Variants in GABRB3 observed in about 807,000 individuals in gnomAD.
GABRB3 encodes gamma-aminobutyric acid type A receptor subunit beta3, also known as gamma-aminobutyric acid receptor subunit beta-3.
Under a neutral mutation model 52.1 loss-of-function variants are expected in GABRB3, and 14 were observed. The observed-to-expected ratio is 0.27, with a 90% confidence interval of 0.18 to 0.42. The LOEUF is 0.42. Among genes scored for constraint, GABRB3 ranks in the 10% least tolerant of loss-of-function variants. The pLI, the probability that GABRB3 is intolerant of heterozygous loss-of-function variation, is 1.00. For synonymous variants in GABRB3, 260 were observed against 232.3 expected (o/e 1.12, Z -1.08); for missense variants, 307 against 609.1 (o/e 0.50, Z 5.22).
chr15:26,577,381 C>CA (rs1890629914), intron 6 of GABRB3, among the ~76,000 whole-genome samples: 2 of 152,070 alleles, frequency 1.3e-5, no homozygotes, highest in East Asian at 3.9e-4. Flanking sequence ...GGCATGGTGG[C>CA]ATGTGCTTGC....
rs1279543473 is a variant in GABRB3, at chr15:26,622,756, T to C, written c.241-1222A>G. 1.1e-4 allele frequency among the ~76,000 whole-genome samples: 17 copies of C among 152,160 alleles called. No individual in the cohort carries two copies. In the East Asian group the frequency reaches 3.3e-3, roughly 29 times the overall value. ...TGCTGCTCTCAATAGTGTTGGAATA[T>C]AGAGGCTTAGGGACTGATAGAGGAC... On this transcript the variant is annotated intron_variant, in intron 3 of 8. Coordinates refer to ENST00000311550, the MANE Select transcript of GABRB3 (RefSeq NM_000814.6).
At chr15:26,688,212 G>A (rs983263515) in intron 3 of GABRB3, among the ~76,000 whole-genome samples, 2 of 152,158 alleles carry the variant, frequency 1.3e-5, no homozygotes, top group Non-Finnish European at 2.9e-5. Flanking sequence ...CTGGATGGAC[G>A]ACTGTGCTGG....
At chr15:26,735,857 A>C (rs948989083) in intron 3 of GABRB3, among the ~76,000 whole-genome samples, 1 of 152,038 alleles carries the variant, frequency 6.6e-6, no homozygotes, top group African/African-American at 2.4e-5. Context: ...TCAGAGGCTG[A>C]AGCAGGAGGA....
At position 26,580,608 on chromosome 15, in the gene GABRB3, C is replaced by G. The variant is rs555972160; in HGVS notation, c.545-152G>C. ...GTCTAGGGGAAGTGTCATCAAAGAACTAACTTTCCAATATTCTCATGTTAC... is the reference window on the plus strand; with the variant it reads ...GTCTAGGGGAAGTGTCATCAAAGAAGTAACTTTCCAATATTCTCATGTTAC... On this transcript the variant is annotated intron_variant, in intron 5 of 8. Transcript: ENST00000311550. 1.0e-5 allele frequency: 10 copies of G among 981,996 alleles called. No individual in the cohort carries two copies. The South Asian group carries it at 1.2e-4, about 12-fold the overall frequency. 60.8% of individuals were successfully genotyped at this position (981,996 alleles called of 1,614,324 possible). A position where few individuals can be genotyped will look rare whatever the true frequency, so the allele number is the denominator to read the frequency against.
intron 3 of GABRB3, among the ~76,000 whole-genome samples, chr15:26,652,120 C>T (rs1887216356): frequency 6.6e-6 from 1 of 152,226 alleles, no homozygotes; most frequent in Non-Finnish European, 1.5e-5. Context: ...TATCTTAACT[C>T]AGGCATTCCT....
chr15:26,667,085 C>T lies in GABRB3; in HGVS notation c.241-45551G>A, dbSNP rs149783889. ...GGACATGGATTGATTGAGAGCACAC[C>T]GCTCCATAATACATGAATATCACCT... On this transcript the variant is annotated intron_variant, in intron 3 of 8. Transcript: ENST00000311550. 1.8e-3 allele frequency among the ~76,000 whole-genome samples: 278 copies of T among 152,238 alleles called. 2 individuals are homozygous for T. Among genetic ancestry groups the T allele is most frequent in the East Asian group, 0.014 (73 of 5,168 alleles).
chr15:26,609,133 C>T (rs1891964405), intron 4 of GABRB3, among the ~76,000 whole-genome samples: 3 of 109,868 alleles, frequency 2.7e-5, no homozygotes, highest in South Asian at 3.1e-4. Context: ...CACACACACA[C>T]ACAATGGAAT....
At chr15:26,697,904 A>T (rs1013058110) in intron 3 of GABRB3, among the ~76,000 whole-genome samples, 2 of 152,204 alleles carry the variant, frequency 1.3e-5, no homozygotes, top group African/African-American at 4.8e-5. Flanking sequence ...ATCAAAAGAG[A>T]TGCCACCAAA....
chr15:26,723,616 T>C lies in GABRB3; in HGVS notation c.240+48786A>G, dbSNP rs190891052. 1.1e-4 allele frequency among the ~76,000 whole-genome samples: 16 copies of C among 152,306 alleles called. No individual in the cohort carries two copies. In the East Asian group the frequency reaches 2.1e-3, roughly 20 times the overall value. On this transcript the variant is annotated intron_variant, in intron 3 of 8. Transcript: ENST00000311550. ...ACACCTGACCTCCCAGCCATGGTCA[T>C]TGTCCCAATGAATTCTCCTAGAAGT...
Position 26,694,210 on chromosome 15 carries a change from T to C in GABRB3, c.241-72676A>G, listed in dbSNP as rs573812071. Among the ~76,000 whole-genome samples, 27 of 152,230 alleles carry C rather than the reference T, an allele frequency of 1.8e-4. 1 individual carries two copies. The South Asian group carries it at 3.1e-3, about 18-fold the overall frequency. Reference sequence around the variant, plus strand: ...AACTACTTTACTAGAGCCTAACCAATATGGGGGAAGGAAAGTACCTGATTC... The same window carrying C: ...AACTACTTTACTAGAGCCTAACCAACATGGGGGAAGGAAAGTACCTGATTC... On this transcript the variant is annotated intron_variant, in intron 3 of 8. Transcript: ENST00000311550.
intron 6 of GABRB3, among the ~76,000 whole-genome samples, chr15:26,576,293 C>G (rs1890588738): frequency 6.6e-6 from 1 of 152,158 alleles, no homozygotes; most frequent in African/African-American, 2.4e-5. Context: ...TCTTCAACAA[C>G]AGAGTATTCT....
intron 3 of GABRB3, among the ~76,000 whole-genome samples, chr15:26,703,570 A>T (rs1446139984): frequency 6.6e-6 from 1 of 152,206 alleles, no homozygotes; most frequent in Non-Finnish European, 1.5e-5. Flanking sequence ...TCTAAAGTCC[A>T]AAATCTCATC....
At chr15:26,737,234 T>C (rs1890088881) in intron 3 of GABRB3, among the ~76,000 whole-genome samples, 1 of 152,182 alleles carries the variant, frequency 6.6e-6, no homozygotes, top group South Asian at 2.1e-4. Context: ...AAAGCAGTGA[T>C]GACTCGATAG....
At chr15:26,694,025 G>C (rs1339016465) in intron 3 of GABRB3, among the ~76,000 whole-genome samples, 3 of 152,148 alleles carry the variant, frequency 2.0e-5, no homozygotes, top group South Asian at 2.1e-4. Flanking sequence ...GAGGTAGGAG[G>C]ATCACTTGAG....
At chr15:26,731,154 TTC>T (rs947868898) in intron 3 of GABRB3, among the ~76,000 whole-genome samples, 5 of 152,264 alleles carry the variant, frequency 3.3e-5, no homozygotes, top group African/African-American at 1.2e-4. Context: ...GATCTCACAG[TTC>T]TGTTTTAAAA....
chr15:26,581,078 T>C (rs1032705496), intron 5 of GABRB3: 5 of 186,234 alleles, frequency 2.7e-5, no homozygotes, highest in Non-Finnish European at 4.6e-5. Context: ...AGAACAGTGG[T>C]CGTTAGCTGG....
chr15:26,719,931 C>A (rs1889598160), intron 3 of GABRB3, among the ~76,000 whole-genome samples: 1 of 152,180 alleles, frequency 6.6e-6, no homozygotes, highest in Admixed American at 6.5e-5. Flanking sequence ...CTGTGACCTG[C>A]ACATATACAT....
intron 4 of GABRB3, among the ~76,000 whole-genome samples, chr15:26,610,033 ACTGGCTCACCACAT>A (rs981736403): frequency 6.6e-6 from 1 of 152,132 alleles, no homozygotes; most frequent in Admixed American, 6.6e-5. Context: ...ACTGAAACAT[ACTGGCTCACCACAT>A]CTGGACAATG....
chr15:26,682,232 G>A (rs867400384), intron 3 of GABRB3, among the ~76,000 whole-genome samples: 33 of 152,146 alleles, frequency 2.2e-4, no homozygotes, highest in Middle Eastern at 3.4e-3. Flanking sequence ...CATTCACAAC[G>A]TCCTCAACAA....
Sources: allele counts gnomAD v4.1 joint callset (sites outside exome capture counted in the v4.1 genomes callset), GRCh38; gene constraint gnomAD v4.1.1; transcripts MANE v1.5; gene names NCBI Gene and HGNC (gene_info 2026-07-23, HGNC 2026-07-21).